The following PDE4D variants were observed in gnomAD, a reference collection of about 807,000 sequenced individuals.
PDE4D encodes phosphodiesterase 4D, also known as 3',5'-cyclic-AMP phosphodiesterase 4D.
Under a neutral mutation model 87.4 loss-of-function variants are expected in PDE4D, and 24 were observed. The ratio of observed to expected loss-of-function variants is 0.27; its 90% confidence interval spans 0.20 to 0.39. The LOEUF is 0.39. Among genes scored for constraint, PDE4D ranks in the 10% least tolerant of loss-of-function variants. The probability of loss-of-function intolerance (pLI) is 1.00; values close to 1 mark genes in which losing one functional copy is unlikely to be tolerated. For synonymous variants in PDE4D, 384 were observed against 383.2 expected (o/e 1.00, Z -0.02); for missense variants, 714 against 1,041.0 (o/e 0.69, Z 4.32).
In PDE4D at chr5:59,135,566, T is replaced by C. The variant is rs113904907; in HGVS notation, c.808+45029A>G. Among the ~76,000 whole-genome samples, 306 of 152,336 alleles carry C rather than the reference T, an allele frequency of 2.0e-3. 2 individuals carry two copies. The highest frequency in any genetic ancestry group is 7.0e-3 in the African/African-American group (293 of 41,572). On this transcript the variant is annotated intron_variant, in intron 5 of 14. Coordinates refer to ENST00000340635, the MANE Select transcript of PDE4D (RefSeq NM_001104631.2). ...CAATCCTCTCTGGTCTGGACTTATT[T>C]GCAACCCAGCACTTCCAGAAATGCC...
At chr5:60,175,039 T>C (rs1783792475) in intron 2 of PDE4D, among the ~76,000 whole-genome samples, 1 of 152,146 alleles carries the variant, frequency 6.6e-6, no homozygotes, top group South Asian at 2.1e-4. Context: ...CCTCTCCTTC[T>C]GTCATTTCAA....
rs549785385 is a variant in PDE4D, at chr5:59,260,745, A to C, written c.456-44777T>G. Among the ~76,000 whole-genome samples, 3 of 151,916 alleles carry C rather than the reference A, an allele frequency of 2.0e-5. No homozygotes were observed. The South Asian group carries it at 6.2e-4, about 32-fold the overall frequency. On this transcript the variant is annotated intron_variant, in intron 1 of 14. Transcript: ENST00000340635. ...AAAAAAACAAAGCTTCAAAAAAGCT[A>C]ATTACTTAAGGAGGGATGACCAAGC...
chr5:59,306,612 G>T (rs1561923460), intron 1 of PDE4D, among the ~76,000 whole-genome samples: 1 of 152,024 alleles, frequency 6.6e-6, no homozygotes, highest in African/African-American at 2.4e-5. Flanking sequence ...ATTCACAATT[G>T]CTTCAAAGAG....
intron 1 of PDE4D, among the ~76,000 whole-genome samples, chr5:59,729,574 A>T (rs767777016): frequency 1.1e-4 from 17 of 152,106 alleles, no homozygotes; most frequent in Non-Finnish European, 2.1e-4. Flanking sequence ...TTCCAGAAAC[A>T]GATGAGGTCT....
chr5:60,355,317 G>T (rs553012834), intron 1 of PDE4D, among the ~76,000 whole-genome samples: 2 of 152,264 alleles, frequency 1.3e-5, no homozygotes, highest in East Asian at 3.9e-4. Context: ...AGTATTCATA[G>T]GTAAATATTC....
intron 2 of PDE4D, among the ~76,000 whole-genome samples, chr5:60,166,426 C>T (rs576320375): frequency 6.6e-6 from 1 of 152,258 alleles, no homozygotes; most frequent in African/African-American, 2.4e-5. Context: ...AAACTCTAAA[C>T]TTTTACCTCA....
intron 2 of PDE4D, among the ~76,000 whole-genome samples, chr5:60,061,344 GAA>G (rs1375157423): frequency 3.3e-5 from 5 of 152,026 alleles, no homozygotes; most frequent in Non-Finnish European, 7.4e-5. Flanking sequence ...GTTACAAAGA[GAA>G]TAAAACACCT....
intron 1 of PDE4D, among the ~76,000 whole-genome samples, chr5:59,545,414 A>G (rs1194312392): frequency 6.6e-6 from 1 of 152,156 alleles, no homozygotes; most frequent in Non-Finnish European, 1.5e-5. Flanking sequence ...ATATTAGTTT[A>G]CCCAGTTTCA....
chr5:59,032,498 G>C (rs894898758), intron 6 of PDE4D, among the ~76,000 whole-genome samples: 11 of 152,296 alleles, frequency 7.2e-5, no homozygotes, highest in Admixed American at 2.0e-4. Context: ...AGAATTGCTT[G>C]AACTTGGGAG....
rs117576111 is a variant in PDE4D at position 58,987,727 on chromosome 5, A to T, written c.1552+766T>A. ...TATAAAAGTGAATTTATGATTTTAT[A>T]ATCTACCATAATTTATAATCTACCA... On this transcript the variant is annotated intron_variant, in intron 11 of 14. Coordinates refer to ENST00000340635, the MANE Select transcript of PDE4D (RefSeq NM_001104631.2). 8.1e-3 allele frequency among the ~76,000 whole-genome samples: 1,239 copies of T among 152,328 alleles called. 14 individuals are homozygous for T. Among genetic ancestry groups the T allele is most frequent in the East Asian group, 0.047 (244 of 5,190 alleles).
chr5:60,113,498 G>A (rs907186679), intron 2 of PDE4D, among the ~76,000 whole-genome samples: 3 of 152,040 alleles, frequency 2.0e-5, no homozygotes, highest in African/African-American at 7.2e-5. Flanking sequence ...TAGGGGTCAC[G>A]TGGAGGCCTC....
chr5:60,248,161 A>C (rs1748015753), intron 1 of PDE4D, among the ~76,000 whole-genome samples: 1 of 151,972 alleles, frequency 6.6e-6, no homozygotes, highest in Non-Finnish European at 1.5e-5. Flanking sequence ...TAGCATGGCC[A>C]CAGAACCTCT....
At chr5:60,392,943 A>C (rs904880651) in intron 1 of PDE4D, among the ~76,000 whole-genome samples, 2 of 152,234 alleles carry the variant, frequency 1.3e-5, no homozygotes, top group African/African-American at 4.8e-5. Flanking sequence ...GAAGATGTGC[A>C]ACACATTTAA....
upstream of PDE4D, among the ~76,000 whole-genome samples, chr5:59,896,694 T>C (rs966686848): frequency 6.6e-6 from 1 of 152,244 alleles, no homozygotes; most frequent in Non-Finnish European, 1.5e-5. Flanking sequence ...AAAAACACTG[T>C]AGATACTATT....
intron 2 of PDE4D, among the ~76,000 whole-genome samples, chr5:60,108,685 G>C (rs942734025): frequency 5.5e-4 from 83 of 152,046 alleles, no homozygotes; most frequent in Non-Finnish European, 1.9e-4. Flanking sequence ...GAACAGAACA[G>C]AGCCCTCAGA....
intron 1 of PDE4D, among the ~76,000 whole-genome samples, chr5:59,448,705 A>T (rs953930505): frequency 6.6e-6 from 1 of 152,186 alleles, no homozygotes; most frequent in Non-Finnish European, 1.5e-5. Context: ...CAGTGGCACA[A>T]TCGCTGCAAC....
At chr5:60,240,832 C>T (rs967026487) in intron 1 of PDE4D, among the ~76,000 whole-genome samples, 1 of 152,066 alleles carries the variant, frequency 6.6e-6, no homozygotes, top group East Asian at 1.9e-4. Flanking sequence ...GTTTGTGGTA[C>T]CCCCGATGCA....
intron 1 of PDE4D, among the ~76,000 whole-genome samples, chr5:59,791,749 G>T (rs1192569566): frequency 6.6e-6 from 1 of 152,126 alleles, no homozygotes; most frequent in African/African-American, 2.4e-5. Context: ...CTAGGAGGGA[G>T]CAGACAGCCC....
chr5:60,091,001 CT>C, intron 2 of PDE4D, among the ~76,000 whole-genome samples: 1 of 152,176 alleles, frequency 6.6e-6, no homozygotes, highest in South Asian at 2.1e-4. Flanking sequence ...GGAATGAAAA[CT>C]ATAAAACACT....
Sources: allele counts gnomAD v4.1 joint callset (sites outside exome capture counted in the v4.1 genomes callset), GRCh38; gene constraint gnomAD v4.1.1; transcripts MANE v1.5; gene names NCBI Gene and HGNC (gene_info 2026-07-23, HGNC 2026-07-21).